The following SGCZ variants were observed in gnomAD, a reference collection of about 807,000 sequenced individuals.
The protein encoded by SGCZ is sarcoglycan zeta.
Under a neutral mutation model 41.3 loss-of-function variants are expected in SGCZ, and 40 were observed. The ratio of observed to expected loss-of-function variants is 0.97; its 90% CI spans 0.75 to 1.26. The LOEUF (loss-of-function observed/expected upper bound fraction) is 1.26, where lower values mean the gene tolerates loss of function less well. Among genes scored for constraint, SGCZ ranks in the 50% most tolerant of loss-of-function variants. SGCZ has a pLI of 0.00. For synonymous variants in SGCZ, 206 were observed against 137.5 expected (o/e 1.50, Z -3.49); for missense variants, 552 against 369.8 (o/e 1.49, Z -4.04).
chr8:14,623,725 G>A (rs989702169), intron 1 of SGCZ, among the ~76,000 whole-genome samples: 2 of 152,056 alleles, frequency 1.3e-5, no homozygotes, highest in African/African-American at 4.8e-5. Context: ...TGTCTTTCAT[G>A]CATTTTCCGC....
At chr8:14,260,962 G>A (rs1441897315) in intron 3 of SGCZ, among the ~76,000 whole-genome samples, 1 of 152,164 alleles carries the variant, frequency 6.6e-6, no homozygotes, top group Non-Finnish European at 1.5e-5. Flanking sequence ...TGTGGGGAGT[G>A]GGGAGGGATA....
At chr8:14,846,843 G>A (rs956816486) in intron 1 of SGCZ, among the ~76,000 whole-genome samples, 3 of 152,052 alleles carry the variant, frequency 2.0e-5, no homozygotes, top group Admixed American at 2.0e-4. Flanking sequence ...GCCGAGTCGG[G>A]TGGATTGCCT....
At chr8:14,377,554 G>A (rs1300830405) in intron 2 of SGCZ, among the ~76,000 whole-genome samples, 1 of 150,892 alleles carries the variant, frequency 6.6e-6, no homozygotes, top group Non-Finnish European at 1.5e-5. Flanking sequence ...TATACTTTAA[G>A]TTTTAGGGTA....
intron 2 of SGCZ, among the ~76,000 whole-genome samples, chr8:14,460,234 T>C (rs1158264849): frequency 6.6e-6 from 1 of 152,288 alleles, no homozygotes; most frequent in Middle Eastern, 3.4e-3. Flanking sequence ...TACTTTTTAC[T>C]ACACATTTTG....
At chr8:14,112,060 CAGA>C (rs1279405454) in intron 5 of SGCZ, among the ~76,000 whole-genome samples, 15 of 152,158 alleles carry the variant, frequency 9.9e-5, no homozygotes, top group Admixed American at 7.9e-4. Flanking sequence ...TCACTGGTCC[CAGA>C]AGAAGAGGTA....
rs17119193 is a variant in SGCZ at position 14,356,593 on chromosome 8, C to A, written c.235-32389G>T. ...CCTGATGATGAGGTATAATCAAATG[C>A]CTTTTTAGCCCAATATAATAGAAAT... On this transcript the variant is annotated intron_variant, in intron 2 of 7. Coordinates refer to ENST00000382080, the MANE Select transcript of SGCZ (RefSeq NM_139167.4). Among the ~76,000 whole-genome samples the A allele has an allele frequency of 5.9e-5, 9 of 151,904 alleles. No individual in the cohort carries two copies. In the East Asian group the frequency reaches 7.7e-4, roughly 13 times the overall value.
intron 3 of SGCZ, among the ~76,000 whole-genome samples, chr8:14,248,452 G>C (rs1426249728): frequency 6.6e-6 from 1 of 152,112 alleles, no homozygotes; most frequent in African/African-American, 2.4e-5. Context: ...TATCATGAAT[G>C]ATGAAAACTA....
At chr8:14,202,253 G>C (rs1336767980) in intron 4 of SGCZ, among the ~76,000 whole-genome samples, 1 of 152,072 alleles carries the variant, frequency 6.6e-6, no homozygotes, top group Non-Finnish European at 1.5e-5. Flanking sequence ...CGGGCCAAGG[G>C]GTAAAGATAA....
At chr8:14,957,046 T>C (rs1273539354) in intron 1 of SGCZ, among the ~76,000 whole-genome samples, 1 of 152,192 alleles carries the variant, frequency 6.6e-6, no homozygotes, top group Non-Finnish European at 1.5e-5. Context: ...CTGGAATTTA[T>C]ATGGTTAATT....
chr8:14,647,547 T>C (rs754446807), intron 1 of SGCZ, among the ~76,000 whole-genome samples: 6 of 152,018 alleles, frequency 3.9e-5, no homozygotes, highest in Middle Eastern at 3.2e-3. Flanking sequence ...CTCTCCGCAA[T>C]GGTACGAGCC....
chr8:14,853,164 G>C (rs887696159), intron 1 of SGCZ, among the ~76,000 whole-genome samples: 1 of 152,154 alleles, frequency 6.6e-6, no homozygotes, highest in African/African-American at 2.4e-5. Context: ...TTTTGCCCAT[G>C]AATTTCAAAT....
intron 2 of SGCZ, among the ~76,000 whole-genome samples, chr8:14,529,762 G>A (rs543491162): frequency 6.6e-6 from 1 of 152,154 alleles, no homozygotes; most frequent in Non-Finnish European, 1.5e-5. Context: ...TCCTTAAAAT[G>A]CTTCTCTGGA....
At chr8:14,696,344 C>T (rs144482013) in intron 1 of SGCZ, among the ~76,000 whole-genome samples, 1 of 152,172 alleles carries the variant, frequency 6.6e-6, no homozygotes, top group African/African-American at 2.4e-5. Flanking sequence ...CAAAGATTCT[C>T]CCCTGACTGA....
At chr8:14,567,781 A>T (rs1027212256) in intron 1 of SGCZ, among the ~76,000 whole-genome samples, 2 of 152,026 alleles carry the variant, frequency 1.3e-5, no homozygotes, top group East Asian at 1.9e-4. Flanking sequence ...CCACGAACCC[A>T]CTGGGAGGAA....
At chr8:14,419,264 C>G (rs1799576840) in intron 2 of SGCZ, among the ~76,000 whole-genome samples, 1 of 151,784 alleles carries the variant, frequency 6.6e-6, no homozygotes, top group African/African-American at 2.4e-5. Flanking sequence ...GGTTATTAGA[C>G]CAGAAAAAAA....
intron 1 of SGCZ, among the ~76,000 whole-genome samples, chr8:15,213,532 C>G (rs1348194093): frequency 6.6e-6 from 1 of 151,244 alleles, no homozygotes; most frequent in African/African-American, 2.4e-5. Flanking sequence ...TGTCTAGTAT[C>G]TTTCTATTTG....
intron 2 of SGCZ, among the ~76,000 whole-genome samples, chr8:14,552,430 C>T (rs899410077): frequency 2.0e-5 from 3 of 151,936 alleles, no homozygotes; most frequent in Non-Finnish European, 4.4e-5. Flanking sequence ...CAGCTACATG[C>T]AAATAGTTTT....
chr8:14,641,704 T>G (rs73188131), intron 1 of SGCZ, among the ~76,000 whole-genome samples: 4 of 151,594 alleles, frequency 2.6e-5, no homozygotes, highest in Admixed American at 6.6e-5. Flanking sequence ...ATAGAGTTTA[T>G]TGCTACAATA....
At chr8:14,181,462 T>A (rs145793184) in intron 4 of SGCZ, among the ~76,000 whole-genome samples, 1,850 of 152,310 alleles carry the variant, frequency 0.012, 36 homozygotes, top group African/African-American at 0.041. Flanking sequence ...GCATCCCCCA[T>A]CCCCAAATCA....
Sources: allele counts gnomAD v4.1 joint callset (sites outside exome capture counted in the v4.1 genomes callset), GRCh38; gene constraint gnomAD v4.1.1; transcripts MANE v1.5; gene names NCBI Gene and HGNC (gene_info 2026-07-23, HGNC 2026-07-21).